GREB1L: variants seen among roughly 807,000 people sequenced by gnomAD.
The protein encoded by GREB1L is GREB1 like retinoic acid receptor coactivator.
Under a neutral mutation model 200.8 loss-of-function variants are expected in GREB1L, and 17 were observed. The observed-to-expected ratio is 0.08, with a 90% CI of 0.06 to 0.13. The LOEUF (loss-of-function observed/expected upper bound fraction) is 0.13, where lower values mean the gene tolerates loss of function less well. Among genes scored for constraint, GREB1L ranks in the 10% least tolerant of loss-of-function variants. GREB1L has a pLI of 1.00. For synonymous variants in GREB1L, 789 were observed against 893.0 expected, an observed-to-expected ratio of 0.88 and a Z score of 2.08; for missense variants, 1,657 against 2,367.7, an observed-to-expected ratio of 0.70 and a Z score of 6.23.
rs1434579925 is a variant in GREB1L, at chr18:21,440,356, C to G, written c.1037C>G (p.Pro346Arg). The G allele has an allele frequency of 8.4e-6, 13 of 1,551,686 alleles. No individual in the cohort carries two copies. Among genetic ancestry groups the G allele is most frequent in the Non-Finnish European group, 1.1e-5 (13 of 1,146,816 alleles). Residue 346 changes from proline to arginine, a missense_variant, in exon 9 of 33, where the codon CCT becomes CGT. Pro to Arg is a moderately radical substitution (Grantham distance 103). Coordinates refer to ENST00000424526, the MANE Select transcript of GREB1L (RefSeq NM_001142966.3). Reference protein sequence around the residue: ...SPLPQPGLVVPVPTVRPLSRT... With the variant: ...SPLPQPGLVVRVPTVRPLSRT... The stretch of plus-strand genomic sequence containing the variant: ...CTCCCCCAACCTGGCTTAGTTGTAC[C>G]TGTCCCTACAGTTCGCCCTCTTTCA...
At chr18:21,477,485 A>G in intron 17 of GREB1L, 129 bp downstream of exon 17, 2 of 735,738 alleles carry the variant, frequency 2.7e-6, no homozygotes, top group Non-Finnish European at 2.0e-6. Context: ...GTAATGCTTT[A>G]TGTAAGAGTT....
intron 28 of GREB1L, among the ~76,000 whole-genome samples, chr18:21,514,553 T>C (rs1419324387): frequency 1.2e-4 from 18 of 152,182 alleles, no homozygotes; most frequent in Admixed American, 1.2e-3. Context: ...CACTATGATT[T>C]ATGGAGAAAG....
intron 14 of GREB1L, 83 bp from the exon 15 acceptor site, chr18:21,454,282 GT>G: frequency 1.2e-6 from 1 of 824,334 alleles, no homozygotes; most frequent in Non-Finnish European, 2.0e-6. Flanking sequence ...TACCGTCTGT[GT>G]GGTATGTGTC....
chr18:21,425,135 T>A (rs1306618020), intron 7 of GREB1L, among the ~76,000 whole-genome samples: 5 of 152,240 alleles, frequency 3.3e-5, no homozygotes, highest in South Asian at 2.1e-4. Context: ...AGAGGTTTTT[T>A]AAATATATAT....
intron 7 of GREB1L, among the ~76,000 whole-genome samples, chr18:21,424,027 G>A (rs1316335948): frequency 6.6e-6 from 1 of 152,156 alleles, no homozygotes; most frequent in Non-Finnish European, 1.5e-5. Flanking sequence ...ACTAAAAGAA[G>A]CTAGATGTGA....
intron 15 of GREB1L, among the ~76,000 whole-genome samples, chr18:21,457,836 T>A (rs185663980): frequency 1.9e-4 from 29 of 152,264 alleles, no homozygotes; most frequent in African/African-American, 5.8e-4. Flanking sequence ...CTCTTTAAAA[T>A]CATAGCTGTT....
At chr18:21,307,094 A>C (rs1352708656) in intron 1 of GREB1L, among the ~76,000 whole-genome samples, 1 of 152,220 alleles carries the variant, frequency 6.6e-6, no homozygotes, top group Non-Finnish European at 1.5e-5. Context: ...TTTCCCACTG[A>C]CATTCACAAA....
chr18:21,492,721 C>T lies in GREB1L; in HGVS notation c.3030+2370C>T, dbSNP rs374405164. Among the ~76,000 whole-genome samples the T allele has an allele frequency of 2.0e-4, 31 of 152,316 alleles. No individual in the cohort carries two copies. In the South Asian group the frequency reaches 5.6e-3, roughly 27 times the overall value. On this transcript the variant is annotated intron_variant, in intron 19 of 32. Transcript: ENST00000424526. ...CCTAAACGAAGGGGGCCTCAAGTTA[C>T]GACTTCTCAAGGCAGTGACATCTTC...
intron 1 of GREB1L, among the ~76,000 whole-genome samples, chr18:21,338,548 A>G (rs2039222011): frequency 6.6e-6 from 1 of 152,250 alleles, no homozygotes; most frequent in Non-Finnish European, 1.5e-5. Flanking sequence ...CTGTCAGACC[A>G]GCAAAATGAC....
At position 21,495,663 on chromosome 18, in the gene GREB1L, TC is replaced by T; in HGVS notation, c.3031-6del. On this transcript the variant is annotated splice_polypyrimidine_tract_variant and splice_region_variant and intron_variant, in intron 19 of 32. Transcript: ENST00000424526. ...TTTAATTTTAACATACGGGTCTCTT[TC>T]TGTAGAGTTGGAGAGGAAATGAACC... 7.1e-7 allele frequency: 1 copy of T among 1,401,036 alleles called. No individual in the cohort carries two copies. Among genetic ancestry groups the T allele is most frequent in the Non-Finnish European group, 9.8e-7 (1 of 1,015,626 alleles). 86.8% of individuals were successfully genotyped at this position (1,401,036 alleles called of 1,614,324 possible). A position where few individuals can be genotyped will look rare whatever the true frequency, so the allele number is the denominator to read the frequency against.
At chr18:21,474,458 G>C (rs1470969909) in intron 16 of GREB1L, among the ~76,000 whole-genome samples, 1 of 152,138 alleles carries the variant, frequency 6.6e-6, no homozygotes, top group Non-Finnish European at 1.5e-5. Flanking sequence ...CCCCACCCCT[G>C]CAGCAAACTT....
At chr18:21,371,707 C>G (rs994400811) in intron 2 of GREB1L, among the ~76,000 whole-genome samples, 6 of 150,372 alleles carry the variant, frequency 4.0e-5, no homozygotes, top group African/African-American at 1.5e-4. Context: ...TGGCATGAAC[C>G]TGGGAGGCGG....
chr18:21,278,621 GAA>G (rs2038216471), intron 1 of GREB1L, among the ~76,000 whole-genome samples: 1 of 151,822 alleles, frequency 6.6e-6, no homozygotes, highest in African/African-American at 2.4e-5. Context: ...TTTGAAGTCA[GAA>G]TACTAATCCT....
intron 1 of GREB1L, among the ~76,000 whole-genome samples, chr18:21,331,055 G>C (rs1040099341): frequency 6.6e-6 from 1 of 152,166 alleles, no homozygotes; most frequent in Non-Finnish European, 1.5e-5. Context: ...TTCATCTGCG[G>C]AGTTTTTTTC....
intron 7 of GREB1L, among the ~76,000 whole-genome samples, chr18:21,416,818 G>T (rs575351173): frequency 5.5e-4 from 84 of 152,186 alleles, no homozygotes; most frequent in African/African-American, 1.8e-3. Flanking sequence ...TTGAGGTCAG[G>T]AGTTCAAGAC....
At position 21,516,859 on chromosome 18, in the gene GREB1L, G is replaced by C. The variant is rs539390427; in HGVS notation, c.5271+105G>C. On this transcript the variant is annotated intron_variant, in intron 30 of 32. Transcript: ENST00000424526. Reference sequence around the variant, plus strand: ...AAGCACTTTCTATTTTATTAGAAAAGTGAAATAACACAAGGGAGTTTTTTT... The same window carrying C: ...AAGCACTTTCTATTTTATTAGAAAACTGAAATAACACAAGGGAGTTTTTTT... 111 of 834,272 alleles carry C rather than the reference G, an allele frequency of 1.3e-4. 1 individual carries two copies. The South Asian group carries it at 2.1e-3, about 16-fold the overall frequency. The allele number at this position is 834,272 out of a possible 1,614,324, so 51.7% of individuals were successfully genotyped here.
At position 21,451,012 on chromosome 18, in the gene GREB1L, C is replaced by G; in HGVS notation, c.1721-11C>G. On this transcript the variant is annotated splice_polypyrimidine_tract_variant and intron_variant, in intron 12 of 32. Coordinates refer to ENST00000424526, the MANE Select transcript of GREB1L (RefSeq NM_001142966.3). ...GTTGATGAGTCTTCTCTTCTCTCCT[C>G]CATCCTGCAGGTCAGCACCAGTCCC... 3 of 1,551,550 alleles carry G rather than the reference C, an allele frequency of 1.9e-6. No homozygotes were observed. The highest frequency in any genetic ancestry group is 1.7e-4 in the Middle Eastern group (1 of 5,986).
At chr18:21,360,753 T>C (rs1483766834) in intron 1 of GREB1L, among the ~76,000 whole-genome samples, 1 of 152,222 alleles carries the variant, frequency 6.6e-6, no homozygotes, top group Non-Finnish European at 1.5e-5. Flanking sequence ...AGAGAAAAGG[T>C]TATACATGCT....
chr18:21,406,353 C>T (rs1482489745), intron 7 of GREB1L, among the ~76,000 whole-genome samples: 1 of 152,164 alleles, frequency 6.6e-6, no homozygotes, highest in African/African-American at 2.4e-5. Context: ...AGTTTTAATG[C>T]TCACATTCTT....
Sources: allele counts gnomAD v4.1 joint callset (sites outside exome capture counted in the v4.1 genomes callset), GRCh38; gene constraint gnomAD v4.1.1; transcripts MANE v1.5; gene names NCBI Gene and HGNC (gene_info 2026-07-23, HGNC 2026-07-21).